The following CAMKMT variants were observed in gnomAD, a reference collection of about 807,000 sequenced individuals.
CAMKMT encodes calmodulin-lysine N-methyltransferase, also known as CaM KMT.
Under a neutral mutation model 48.0 loss-of-function variants are expected in CAMKMT, and 53 were observed. The ratio of observed to expected loss-of-function variants is 1.10; its 90% CI spans 0.89 to 1.39. CAMKMT has a LOEUF of 1.39. Ranked by LOEUF, CAMKMT falls within the 40% of genes most tolerant of loss-of-function variation. The probability of loss-of-function intolerance (pLI) is 0.00; values close to 1 mark genes in which losing one functional copy is unlikely to be tolerated. For synonymous variants in CAMKMT, 165 were observed against 152.3 expected, an observed-to-expected ratio of 1.08 and a Z score of -0.61; for missense variants, 428 against 402.7, an observed-to-expected ratio of 1.06 and a Z score of -0.54.
intron 3 of CAMKMT, among the ~76,000 whole-genome samples, chr2:44,513,318 A>G (rs1342852953): frequency 6.6e-6 from 1 of 151,794 alleles, no homozygotes; most frequent in African/African-American, 2.4e-5. Flanking sequence ...TGACTAGTAC[A>G]TAGTAGTAGC....
intron 3 of CAMKMT, among the ~76,000 whole-genome samples, chr2:44,683,470 C>G (rs1676135792): frequency 6.6e-6 from 1 of 152,102 alleles, no homozygotes. Context: ...CTAAGCAAGC[C>G]CCTGGATCCT....
At chr2:44,607,863 A>G (rs1671373504) in intron 3 of CAMKMT, among the ~76,000 whole-genome samples, 1 of 152,028 alleles carries the variant, frequency 6.6e-6, no homozygotes, top group Non-Finnish European at 1.5e-5. Context: ...TAAACGATTC[A>G]AAAAAGTAAA....
At chr2:44,623,318 TC>T (rs1672297719) in intron 3 of CAMKMT, among the ~76,000 whole-genome samples, 1 of 152,200 alleles carries the variant, frequency 6.6e-6, no homozygotes, top group South Asian at 2.1e-4. Flanking sequence ...GTGCAGAAGC[TC>T]TTTAGTTTAC....
intron 3 of CAMKMT, among the ~76,000 whole-genome samples, chr2:44,486,121 C>G (rs573234386): frequency 6.6e-6 from 1 of 152,074 alleles, no homozygotes; most frequent in Non-Finnish European, 1.5e-5. Flanking sequence ...CGTGCCACCA[C>G]GCCTGGCTAA....
At chr2:44,379,278 C>A (rs1366996130) in intron 2 of CAMKMT, among the ~76,000 whole-genome samples, 2 of 152,214 alleles carry the variant, frequency 1.3e-5, no homozygotes, top group African/African-American at 4.8e-5. Flanking sequence ...TGGCATCCCA[C>A]TGTATGGCTA....
chr2:44,372,921 A>G (rs758385931), intron 2 of CAMKMT, 33 bp downstream of exon 2: 11 of 1,540,760 alleles, frequency 7.1e-6, no homozygotes, highest in East Asian at 6.8e-5. Context: ...TTTTGTAAAC[A>G]CTAGATTTCT....
intron 3 of CAMKMT, among the ~76,000 whole-genome samples, chr2:44,533,453 G>A (rs1666598124): frequency 6.6e-6 from 1 of 152,016 alleles, no homozygotes. Flanking sequence ...TGGCCAGGCT[G>A]GTCTTGAACT....
intron 3 of CAMKMT, among the ~76,000 whole-genome samples, chr2:44,586,123 T>C (rs1669844981): frequency 6.6e-6 from 1 of 152,210 alleles, no homozygotes; most frequent in South Asian, 2.1e-4. Context: ...CCTATTCTGT[T>C]TGGAAACAGA....
At chr2:44,479,405 T>A (rs184832450) in intron 3 of CAMKMT, among the ~76,000 whole-genome samples, 1 of 152,336 alleles carries the variant, frequency 6.6e-6, no homozygotes, top group Admixed American at 6.5e-5. Context: ...GGTTGTGGGT[T>A]TTTTTCCTAT....
At chr2:44,743,790 C>T in intron 8 of CAMKMT, 94 bp downstream of exon 8, 1 of 874,294 alleles carries the variant, frequency 1.1e-6, no homozygotes, top group Non-Finnish European at 1.8e-6. Context: ...TAAGCAAAGT[C>T]AACAAATGAA....
chr2:44,772,306 T>G lies in CAMKMT; in HGVS notation c.*193T>G, dbSNP rs1681149540. ...TCTCCAGCTCCCTCCCCGCCTCTTT[T>G]TACACTCTGCTTGTTGCTCGTCCTG... On this transcript the variant is annotated 3_prime_UTR_variant, in exon 11 of 11. Coordinates refer to ENST00000378494, the MANE Select transcript of CAMKMT (RefSeq NM_024766.5). The G allele has an allele frequency of 5.7e-6, 3 of 530,854 alleles. No homozygotes were observed. In the Admixed American group the frequency reaches 1.0e-4, roughly 18 times the overall value. The allele number at this position is 530,854 out of a possible 1,614,324, so 32.9% of individuals were successfully genotyped here. A position where few individuals can be genotyped will look rare whatever the true frequency, so the allele number is the denominator to read the frequency against.
intron 3 of CAMKMT, among the ~76,000 whole-genome samples, chr2:44,478,272 G>C (rs991970304): frequency 1.3e-5 from 2 of 151,892 alleles, no homozygotes; most frequent in African/African-American, 2.4e-5. Flanking sequence ...GTATTATTTT[G>C]TTTCTTTGTT....
chr2:44,514,787 C>T (rs1271011236), intron 3 of CAMKMT, among the ~76,000 whole-genome samples: 3 of 152,166 alleles, frequency 2.0e-5, no homozygotes, highest in Admixed American at 6.5e-5. Context: ...TTATATGCAA[C>T]GGTTGTTGCT....
chr2:44,484,305 T>G (rs1669110763), intron 3 of CAMKMT, among the ~76,000 whole-genome samples: 1 of 151,924 alleles, frequency 6.6e-6, no homozygotes, highest in Non-Finnish European at 1.5e-5. Flanking sequence ...AGTTGGAAGA[T>G]TTACACTACC....
intron 3 of CAMKMT, among the ~76,000 whole-genome samples, chr2:44,552,416 A>C (rs923654866): frequency 6.6e-6 from 1 of 152,142 alleles, no homozygotes; most frequent in Non-Finnish European, 1.5e-5. Flanking sequence ...GGATTTAAGA[A>C]ATCCTAGAAA....
intron 3 of CAMKMT, among the ~76,000 whole-genome samples, chr2:44,390,995 T>C (rs1013563481): frequency 2.0e-5 from 3 of 152,216 alleles, no homozygotes; most frequent in Admixed American, 1.3e-4. Context: ...GGACTTTTTA[T>C]GTTTTTTGTA....
chr2:44,729,567 A>G (rs951471680), intron 7 of CAMKMT, among the ~76,000 whole-genome samples: 1 of 152,288 alleles, frequency 6.6e-6, no homozygotes, highest in African/African-American at 2.4e-5. Flanking sequence ...TAGTTCAGTG[A>G]CTGTTGGAAG....
At chr2:44,513,883 T>G (rs1235201897) in intron 3 of CAMKMT, among the ~76,000 whole-genome samples, 3 of 152,032 alleles carry the variant, frequency 2.0e-5, no homozygotes, top group African/African-American at 7.2e-5. Flanking sequence ...GGCAGATCGC[T>G]TGAGCCCAGG....
intron 3 of CAMKMT, among the ~76,000 whole-genome samples, chr2:44,623,429 G>C (rs1672302477): frequency 6.6e-6 from 1 of 152,084 alleles, no homozygotes; most frequent in Admixed American, 6.6e-5. Flanking sequence ...GTATTTCCTA[G>C]CTTTTCTTCT....
Sources: allele counts gnomAD v4.1 joint callset (sites outside exome capture counted in the v4.1 genomes callset), GRCh38; gene constraint gnomAD v4.1.1; transcripts MANE v1.5; gene names NCBI Gene and HGNC (gene_info 2026-07-23, HGNC 2026-07-21).